The following PRELID2 variants were observed in gnomAD, a reference collection of about 807,000 sequenced individuals.
PRELID2 encodes PRELI domain-containing protein 2.
A neutral mutation model predicts 28.4 loss-of-function variants in PRELID2; 25 were observed. The ratio of observed to expected loss-of-function variants is 0.88; its 90% CI spans 0.64 to 1.23. The LOEUF is 1.23. Ranked by LOEUF, PRELID2 falls within the 50% of genes most tolerant of loss-of-function variation. PRELID2 has a pLI of 0.00. For synonymous variants in PRELID2, 76 were observed against 71.6 expected, an observed-to-expected ratio of 1.06 and a Z score of -0.31; for missense variants, 201 against 214.4, an observed-to-expected ratio of 0.94 and a Z score of 0.39.
chr5:145,413,109 C>T, the PRELID2 span, among the ~76,000 whole-genome samples: 1 of 151,984 alleles, frequency 6.6e-6, no homozygotes, highest in Non-Finnish European at 1.5e-5. Context: ...GACTAATATC[C>T]AGAACCCACA....
At chr5:145,243,994 C>G in the PRELID2 span, among the ~76,000 whole-genome samples, 12,736 of 152,012 alleles carry the variant, frequency 0.084, 1,174 homozygotes, top group African/African-American at 0.23. Context: ...GCTCTGTTGC[C>G]TAGGCTGGAA....
At chr5:145,274,711 T>C in the PRELID2 span, among the ~76,000 whole-genome samples, 1 of 152,100 alleles carries the variant, frequency 6.6e-6, no homozygotes, top group Admixed American at 6.5e-5. Context: ...GGATGGAATG[T>C]AGTAAAGAGG....
intron 1 of PRELID2, among the ~76,000 whole-genome samples, chr5:145,553,346 G>C (rs981522242): frequency 2.1e-4 from 32 of 152,104 alleles, no homozygotes; most frequent in African/African-American, 6.8e-4. Flanking sequence ...ACAGTCACCT[G>C]AGGCGGTTCA....
At chr5:145,539,465 T>C (rs947585459) in intron 1 of PRELID2, among the ~76,000 whole-genome samples, 1 of 151,962 alleles carries the variant, frequency 6.6e-6, no homozygotes, top group African/African-American at 2.4e-5. Flanking sequence ...CTTATGCACA[T>C]TGAAATTTGA....
the PRELID2 span, among the ~76,000 whole-genome samples, chr5:145,250,265 T>G: frequency 2.0e-5 from 3 of 152,114 alleles, no homozygotes; most frequent in African/African-American, 4.8e-5. Context: ...ATATGCAGTA[T>G]TTTGCTCAAA....
chr5:145,692,856 C>G (rs890406412), intron 1 of PRELID2, among the ~76,000 whole-genome samples: 1 of 152,114 alleles, frequency 6.6e-6, no homozygotes, highest in Non-Finnish European at 1.5e-5. Context: ...GAATTTTTAT[C>G]CTGAATTTTC....
chr5:145,645,668 A>C (rs551759674), intron 1 of PRELID2, among the ~76,000 whole-genome samples: 1 of 151,988 alleles, frequency 6.6e-6, no homozygotes, highest in Non-Finnish European at 1.5e-5. Flanking sequence ...GCAGTGGCTG[A>C]TACCAGTTGT....
At chr5:145,286,163 G>A in the PRELID2 span, among the ~76,000 whole-genome samples, 346 of 152,244 alleles carry the variant, frequency 2.3e-3, 1 homozygote, top group Non-Finnish European at 3.9e-3. Flanking sequence ...AACCCAGTGA[G>A]GAAGGTACTA....
chr5:145,615,387 G>T (rs1421604446), intron 1 of PRELID2, among the ~76,000 whole-genome samples: 1 of 118,380 alleles, frequency 8.4e-6, no homozygotes, highest in Non-Finnish European at 1.6e-5. Flanking sequence ...GTGCAGTGGC[G>T]CAATCTCGGC....
intron 2 of PRELID2, 53 bp from the exon 3 acceptor site, chr5:145,820,071 C>T: frequency 8.5e-6 from 9 of 1,062,598 alleles, no homozygotes; most frequent in East Asian, 2.4e-5. Flanking sequence ...GTGTTCTTTT[C>T]TTAGTGTCAA....
intron 1 of PRELID2, among the ~76,000 whole-genome samples, chr5:145,475,196 T>C (rs1752089511): frequency 6.6e-6 from 1 of 152,174 alleles, no homozygotes; most frequent in Admixed American, 6.5e-5. Context: ...AAGGAATGAA[T>C]GAATGAACTT....
chr5:145,566,237 G>A (rs776181446), intron 1 of PRELID2, among the ~76,000 whole-genome samples: 1 of 152,316 alleles, frequency 6.6e-6, no homozygotes, highest in South Asian at 2.1e-4. Context: ...GGATACAGAG[G>A]ACTGTATAAC....
chr5:145,384,521 A>G, the PRELID2 span, among the ~76,000 whole-genome samples: 3 of 152,230 alleles, frequency 2.0e-5, no homozygotes, highest in African/African-American at 7.2e-5. Context: ...TTCATACTGT[A>G]TGATTCCATT....
chr5:145,571,736 C>G (rs1208936037), intron 1 of PRELID2, among the ~76,000 whole-genome samples: 1 of 152,052 alleles, frequency 6.6e-6, no homozygotes, highest in Non-Finnish European at 1.5e-5. Context: ...AATCCCAACA[C>G]TTTGGGAGGC....
intron 4 of PRELID2, among the ~76,000 whole-genome samples, chr5:145,811,168 T>G (rs1753909636): frequency 6.7e-6 from 1 of 148,404 alleles, no homozygotes; most frequent in South Asian, 2.2e-4. Context: ...TCGTGAAACT[T>G]ATTCACTATC....
intron 1 of PRELID2, among the ~76,000 whole-genome samples, chr5:145,609,833 C>T (rs1416516459): frequency 6.6e-6 from 1 of 152,190 alleles, no homozygotes; most frequent in Non-Finnish European, 1.5e-5. Flanking sequence ...CAGGTGCTTC[C>T]CAGGACAACA....
intron 1 of PRELID2, among the ~76,000 whole-genome samples, chr5:145,744,032 T>C (rs895413506): frequency 2.6e-5 from 4 of 152,324 alleles, no homozygotes; most frequent in Admixed American, 1.3e-4. Flanking sequence ...GTATCCCCCA[T>C]AGCCCAACAC....
In PRELID2 at chr5:145,759,340, C is replaced by A. The variant is rs1757365656; in HGVS notation, c.*1196G>T. 6.6e-6 allele frequency: 1 copy of A among 152,116 alleles called. No homozygotes were observed. Among genetic ancestry groups the A allele is most frequent in the Non-Finnish European group, 1.5e-5 (1 of 68,028 alleles). 9.4% of individuals were successfully genotyped at this position (152,116 alleles called of 1,614,324 possible). On this transcript the variant is annotated 3_prime_UTR_variant, in exon 7 of 7. Transcript: ENST00000683046. ...AAGAAGATGAATTTCAAATTATTAC[C>A]TCTCTTCAAGATTTTTTAGGTAGTA...
At chr5:145,555,456 C>T (rs1042425824) in intron 1 of PRELID2, among the ~76,000 whole-genome samples, 4 of 152,142 alleles carry the variant, frequency 2.6e-5, no homozygotes, top group Non-Finnish European at 2.9e-5. Context: ...AATGTCAATA[C>T]GTATAACACT....
Sources: allele counts gnomAD v4.1 joint callset (sites outside exome capture counted in the v4.1 genomes callset), GRCh38; gene constraint gnomAD v4.1.1; transcripts MANE v1.5; gene names NCBI Gene and HGNC (gene_info 2026-07-23, HGNC 2026-07-21).